CCNY: variants seen among roughly 807,000 people sequenced by gnomAD.
The protein encoded by CCNY is cyclin-Y.
A neutral mutation model predicts 42.8 loss-of-function variants in CCNY; 19 were observed. The observed-to-expected ratio is 0.44, with a 90% CI of 0.31 to 0.65. The LOEUF (loss-of-function observed/expected upper bound fraction) is 0.65. Ranked by LOEUF, CCNY falls within the 30% of genes least tolerant of loss-of-function variation. The probability of loss-of-function intolerance (pLI) is 0.07; values close to 1 mark genes in which losing one functional copy is unlikely to be tolerated. For missense variants in CCNY, 370 were observed against 437.3 expected, an observed-to-expected ratio of 0.85 and a Z score of 1.37; for synonymous variants, 165 against 162.7, an observed-to-expected ratio of 1.01 and a Z score of -0.11.
At chr10:35,435,170 G>A (rs1359192628) in intron 1 of CCNY, among the ~76,000 whole-genome samples, 3 of 152,194 alleles carry the variant, frequency 2.0e-5, no homozygotes, top group African/African-American at 7.2e-5. Context: ...GAAGAGGATG[G>A]TTGGAAACAT....
At chr10:35,264,667 G>A (rs925512931) in intron 3 of CCNY, among the ~76,000 whole-genome samples, 9 of 151,318 alleles carry the variant, frequency 5.9e-5, no homozygotes, top group Non-Finnish European at 1.0e-4. Context: ...GTTTTGTTTT[G>A]TTTTTGAGCC....
At chr10:35,320,309 T>C (rs764579139) in intron 3 of CCNY, among the ~76,000 whole-genome samples, 28 of 152,184 alleles carry the variant, frequency 1.8e-4, no homozygotes, top group Non-Finnish European at 3.4e-4. Context: ...TGCAAGCTTG[T>C]TTTAACACTA....
chr10:35,414,039 C>G (rs1837970822), intron 1 of CCNY, among the ~76,000 whole-genome samples: 1 of 152,140 alleles, frequency 6.6e-6, no homozygotes, highest in Non-Finnish European at 1.5e-5. Flanking sequence ...TTTTTTAACC[C>G]AGGGTTTTTC....
At chr10:35,318,383 G>A (rs1459268812) in intron 3 of CCNY, among the ~76,000 whole-genome samples, 2 of 152,036 alleles carry the variant, frequency 1.3e-5, no homozygotes, top group Non-Finnish European at 2.9e-5. Context: ...ACTGAGTAGC[G>A]AATTTTAATT....
intron 1 of CCNY, among the ~76,000 whole-genome samples, chr10:35,373,086 A>G (rs1277350794): frequency 6.6e-6 from 1 of 152,234 alleles, no homozygotes; most frequent in Non-Finnish European, 1.5e-5. Context: ...TTTTAAATGT[A>G]ATAAAATGTA....
intron 2 of CCNY, among the ~76,000 whole-genome samples, chr10:35,491,257 T>A (rs942895001): frequency 2.6e-5 from 4 of 152,136 alleles, no homozygotes; most frequent in African/African-American, 9.7e-5. Context: ...ATCTCTTGGG[T>A]CATAACTTCC....
chr10:35,332,769 T>A (rs1835961484), upstream of CCNY, among the ~76,000 whole-genome samples: 2 of 152,226 alleles, frequency 1.3e-5, no homozygotes, highest in South Asian at 4.1e-4. Flanking sequence ...CACGCCTGGC[T>A]AATTTTTTGT....
intron 1 of CCNY, among the ~76,000 whole-genome samples, chr10:35,463,748 T>G (rs1191476478): frequency 2.0e-5 from 3 of 152,244 alleles, no homozygotes; most frequent in Non-Finnish European, 2.9e-5. Context: ...TCAAAGGCTC[T>G]GACAGTAATT....
intron 1 of CCNY, among the ~76,000 whole-genome samples, chr10:35,418,516 T>C (rs910205686): frequency 1.3e-5 from 2 of 152,198 alleles, no homozygotes; most frequent in African/African-American, 4.8e-5. Context: ...AAATGTGTCC[T>C]CTTGTCCACA....
intron 1 of CCNY, among the ~76,000 whole-genome samples, chr10:35,463,080 G>A (rs904413335): frequency 1.3e-5 from 2 of 152,222 alleles, no homozygotes; most frequent in African/African-American, 4.8e-5. Flanking sequence ...TGATCTTCAT[G>A]GCTTCTAAGG....
At chr10:35,418,197 G>A (rs1838068172) in intron 1 of CCNY, among the ~76,000 whole-genome samples, 1 of 152,170 alleles carries the variant, frequency 6.6e-6, no homozygotes, top group Non-Finnish European at 1.5e-5. Context: ...CAACAGCAGG[G>A]AGCAGGGAAG....
chr10:35,443,939 C>G lies in CCNY; in HGVS notation c.155-39465C>G, dbSNP rs192496874. ...TACAGAATGTGAGGTCCCATTCCAG[C>G]CAATGGAAACTGGACACAGCCATAG... On this transcript the variant is annotated intron_variant, in intron 1 of 9. Transcript: ENST00000374704. Among the ~76,000 whole-genome samples the G allele has an allele frequency of 2.7e-4, 41 of 152,302 alleles. No individual in the cohort carries two copies. In the East Asian group the frequency reaches 7.9e-3, roughly 29 times the overall value.
intron 2 of CCNY, among the ~76,000 whole-genome samples, chr10:35,500,163 C>T (rs1840082582): frequency 6.6e-6 from 1 of 152,236 alleles, no homozygotes; most frequent in Admixed American, 6.5e-5. Flanking sequence ...GTGCCCTGTC[C>T]TGTGACAGCA....
At chr10:35,479,980 T>C (rs1371791548) in intron 1 of CCNY, among the ~76,000 whole-genome samples, 1 of 151,996 alleles carries the variant, frequency 6.6e-6, no homozygotes, top group Non-Finnish European at 1.5e-5. Context: ...CTTCTGAGAA[T>C]GGTGGCTTTT....
intron 3 of CCNY, among the ~76,000 whole-genome samples, chr10:35,264,742 C>A (rs1205114036): frequency 6.6e-6 from 1 of 151,990 alleles, no homozygotes; most frequent in East Asian, 1.9e-4. Flanking sequence ...GCAACCTCAG[C>A]CTCCCAGGTT....
chr10:35,247,238 G>C (rs2095708639), intron 1 of CCNY: 1 of 152,978 alleles, frequency 6.5e-6, no homozygotes, highest in Non-Finnish European at 1.5e-5. Flanking sequence ...TGCACTAGCA[G>C]AGACTGCAGC....
chr10:35,325,510 G>T (rs1392310036), intron 3 of CCNY, among the ~76,000 whole-genome samples: 1 of 134,850 alleles, frequency 7.4e-6, no homozygotes, highest in African/African-American at 2.9e-5. Context: ...ACAGAGTTTC[G>T]CTCTTGTTGC....
intron 3 of CCNY, among the ~76,000 whole-genome samples, chr10:35,260,841 C>T (rs893380921): frequency 5.3e-5 from 8 of 152,136 alleles, no homozygotes; most frequent in Non-Finnish European, 8.8e-5. Flanking sequence ...GAACAGTGGC[C>T]CCGGTTCTGT....
rs756091949 is a variant in CCNY at position 35,516,641 on chromosome 10, T to TTTCC, written c.365+37_365+40dup. The TTTCC allele has an allele frequency of 2.9e-4, 388 of 1,320,340 alleles. 8 individuals are homozygous for TTTCC. The African/African-American group carries it at 4.0e-3, about 14-fold the overall frequency. 81.8% of individuals were successfully genotyped at this position (1,320,340 alleles called of 1,614,324 possible). A position where few individuals can be genotyped will look rare whatever the true frequency, so the allele number is the denominator to read the frequency against. ...ATTAAATGGTGGGTATATGGATTTA[T>TTTCC]TTCCTTCCTTCCTTCCTTCCTTTTT... On this transcript the variant is annotated intron_variant, in intron 4 of 9. Coordinates refer to ENST00000374704, the MANE Select transcript of CCNY (RefSeq NM_145012.6).
Sources: allele counts gnomAD v4.1 joint callset (sites outside exome capture counted in the v4.1 genomes callset), GRCh38; gene constraint gnomAD v4.1.1; transcripts MANE v1.5; gene names NCBI Gene and HGNC (gene_info 2026-07-23, HGNC 2026-07-21).